RHPN2: variants seen among roughly 807,000 people sequenced by gnomAD.
RHPN2 encodes the protein rhophilin-2.
In RHPN2, 40 loss-of-function variants were observed where a neutral mutation model predicts 79.0. That is an observed-to-expected ratio of 0.51 (90% CI 0.39 to 0.66). The LOEUF is 0.66. RHPN2 is among the 30% of genes least tolerant of loss of function. The pLI is 0.00. For synonymous variants in RHPN2, 285 were observed against 363.5 expected (o/e 0.78, Z 2.46); for missense variants, 686 against 883.5 (o/e 0.78, Z 2.83).
chr19:32,988,094 G>C (rs1321801085), intron 14 of RHPN2, among the ~76,000 whole-genome samples: 1 of 152,044 alleles, frequency 6.6e-6, no homozygotes, highest in Non-Finnish European at 1.5e-5. Flanking sequence ...AGCTACTCGG[G>C]AGGCTGAGGC....
At chr19:32,986,860 C>G (rs1421461696) in intron 14 of RHPN2, among the ~76,000 whole-genome samples, 1 of 151,140 alleles carries the variant, frequency 6.6e-6, no homozygotes, top group African/African-American at 2.4e-5. Context: ...ATTTTAATAC[C>G]CTTCTGTGGC....
At chr19:32,993,848 T>G in intron 12 of RHPN2, 129 bp downstream of exon 12, 1 of 738,668 alleles carries the variant, frequency 1.4e-6, no homozygotes, top group Non-Finnish European at 2.5e-6. Context: ...AGAAATATAT[T>G]TCTGCTGTCA....
intron 1 of RHPN2, among the ~76,000 whole-genome samples, chr19:33,060,409 T>A (rs954438944): frequency 2.6e-5 from 4 of 152,174 alleles, no homozygotes; most frequent in African/African-American, 7.2e-5. Context: ...TCCAGCTCTA[T>A]CATTCCAACC....
At chr19:33,064,758 C>G in intron 1 of RHPN2, 26 bp downstream of exon 1, 5 of 715,980 alleles carry the variant, frequency 7.0e-6, no homozygotes, top group Non-Finnish European at 1.1e-5. Flanking sequence ...CCGCAGGTCC[C>G]CGCCCGCCCG....
rs1166904920 is a variant in RHPN2 at position 32,979,014 on chromosome 19, G to C, written c.*982C>G. 1 of 152,022 alleles carries C rather than the reference G, an allele frequency of 6.6e-6. No individual in the cohort carries two copies. The highest frequency in any genetic ancestry group is 2.4e-5 in the African/African-American group (1 of 41,396). 9.4% of individuals were successfully genotyped at this position (152,022 alleles called of 1,614,324 possible). ...AATACAAAAATCAGCCAGGCATGCTGGAGGGCACCTTGTAGTCCCAGCTAT... is the reference window on the plus strand; with the variant it reads ...AATACAAAAATCAGCCAGGCATGCTCGAGGGCACCTTGTAGTCCCAGCTAT... On this transcript the variant is annotated 3_prime_UTR_variant, in exon 15 of 15. Transcript: ENST00000254260.
At chr19:33,041,638 T>C (rs2145261085) in intron 2 of RHPN2, among the ~76,000 whole-genome samples, 1 of 152,302 alleles carries the variant, frequency 6.6e-6, no homozygotes, top group South Asian at 2.1e-4. Flanking sequence ...ACTGCCCTAG[T>C]TCCTGCCTGA....
At chr19:33,026,967 A>C in intron 2 of RHPN2, 1 of 346,576 alleles carries the variant, frequency 2.9e-6, no homozygotes. Context: ...AAAGAAATGA[A>C]TGATTCCAGC....
At chr19:33,012,349 G>T (rs1272155548) in intron 5 of RHPN2, among the ~76,000 whole-genome samples, 2 of 152,034 alleles carry the variant, frequency 1.3e-5, no homozygotes, top group African/African-American at 4.8e-5. Context: ...GCTAATTTTT[G>T]TATTTTTAGT....
intron 14 of RHPN2, among the ~76,000 whole-genome samples, chr19:32,989,549 C>T (rs1487221722): frequency 6.6e-6 from 1 of 152,190 alleles, no homozygotes; most frequent in East Asian, 1.9e-4. Context: ...TTGTCTTAAG[C>T]ACTTCTGTAC....
At chr19:33,034,830 G>A (rs528921614) in intron 2 of RHPN2, among the ~76,000 whole-genome samples, 1 of 151,848 alleles carries the variant, frequency 6.6e-6, no homozygotes, top group East Asian at 1.9e-4. Flanking sequence ...CAGGTGAAGT[G>A]GGTCATTCCT....
intron 14 of RHPN2, among the ~76,000 whole-genome samples, chr19:32,981,478 A>G (rs1599803160): frequency 2.5e-5 from 3 of 121,036 alleles, no homozygotes; most frequent in African/African-American, 3.1e-5. Context: ...GAAAGGGAAG[A>G]GGAGAAGGGA....
At chr19:33,023,801 A>C (rs1482805168) in intron 3 of RHPN2, among the ~76,000 whole-genome samples, 2 of 146,796 alleles carry the variant, frequency 1.4e-5, no homozygotes, top group East Asian at 4.1e-4. Flanking sequence ...AAAAAAAAAG[A>C]AAAAAAAGAA....
At chr19:33,045,538 A>C (rs1972135647) in intron 1 of RHPN2, among the ~76,000 whole-genome samples, 1 of 151,852 alleles carries the variant, frequency 6.6e-6, no homozygotes, top group Non-Finnish European at 1.5e-5. Flanking sequence ...CAGTGGCACA[A>C]TCTCGGCTCA....
chr19:33,044,258 T>C lies in RHPN2; in HGVS notation c.176A>G (p.Asn59Ser), dbSNP rs1284077574. 6.2e-7 allele frequency: 1 copy of C among 1,613,304 alleles called. No homozygotes were observed. Among genetic ancestry groups the C allele is most frequent in the South Asian group, 1.1e-5 (1 of 91,020 alleles). ...KAVRMRTGAE[N>S]LLKVATNSKV... is the part of the protein sequence containing the mutation. ...GCCAGAAGACACCTACTTCAGAAGG[T>C]TTTCCGCTCCGGTCCTCATCCGCAC... The change falls in exon 2 of 15, where the codon AAC (asparagine) becomes AGC (serine). Residue 59 changes from asparagine to serine, a missense_variant. Physicochemically the swap from Asn to Ser is conservative, Grantham distance 46. Transcript: ENST00000254260.
chr19:33,024,136 G>A (rs1257283477), intron 3 of RHPN2, among the ~76,000 whole-genome samples: 3 of 152,262 alleles, frequency 2.0e-5, no homozygotes, highest in Admixed American at 6.5e-5. Context: ...CTGACTGGGC[G>A]TTCAAAACTG....
At chr19:33,054,558 A>G (rs1972216845) in intron 1 of RHPN2, among the ~76,000 whole-genome samples, 1 of 152,122 alleles carries the variant, frequency 6.6e-6, no homozygotes. Flanking sequence ...GAGGGTCTGA[A>G]TGGGCAGCCC....
intron 1 of RHPN2, among the ~76,000 whole-genome samples, chr19:33,060,239 C>T (rs1972268591): frequency 6.6e-6 from 1 of 151,536 alleles, no homozygotes; most frequent in Non-Finnish European, 1.5e-5. Context: ...CTCCATCTCC[C>T]AGGCTCAGCG....
intron 10 of RHPN2, among the ~76,000 whole-genome samples, chr19:32,997,450 TGGGAATGGG>T (rs1971711381): frequency 6.6e-6 from 1 of 151,226 alleles, no homozygotes; most frequent in African/African-American, 2.4e-5. Context: ...AAGAGAAGAC[TGGGAATGGG>T]GTTGTCCTAT....
intron 1 of RHPN2, among the ~76,000 whole-genome samples, chr19:33,058,430 AG>A (rs1972252133): frequency 6.6e-6 from 1 of 152,218 alleles, no homozygotes. Context: ...CACAGAGAAC[AG>A]GATGAAAGAG....
Sources: allele counts gnomAD v4.1 joint callset (sites outside exome capture counted in the v4.1 genomes callset), GRCh38; gene constraint gnomAD v4.1.1; transcripts MANE v1.5; gene names NCBI Gene and HGNC (gene_info 2026-07-23, HGNC 2026-07-21).